RORA: variants seen among roughly 807,000 people sequenced by gnomAD.
RORA encodes RAR related orphan receptor A.
A neutral mutation model predicts 69.5 loss-of-function variants in RORA; 7 were observed. The observed-to-expected ratio is 0.10, with a 90% CI of 0.06 to 0.19. The LOEUF (loss-of-function observed/expected upper bound fraction) is 0.19. Ranked by LOEUF, RORA falls within the 10% of genes least tolerant of loss-of-function variation. The pLI, the probability that RORA is intolerant of heterozygous loss-of-function variation, is 1.00. For synonymous variants in RORA, 261 were observed against 240.8 expected (o/e 1.08, Z -0.78); for missense variants, 457 against 663.0 (o/e 0.69, Z 3.41).
intron 1 of RORA, among the ~76,000 whole-genome samples, chr15:61,152,374 G>C (rs1596030222): frequency 6.6e-6 from 1 of 152,060 alleles, no homozygotes; most frequent in South Asian, 2.1e-4. Context: ...GAGGAAAAGA[G>C]TCATTACAGA....
intron 1 of RORA, among the ~76,000 whole-genome samples, chr15:60,820,401 C>G (rs1468233106): frequency 2.0e-5 from 3 of 152,140 alleles, no homozygotes; most frequent in South Asian, 2.1e-4. Context: ...CCCCCTCACC[C>G]TAGCTTTAAG....
chr15:60,736,341 G>A (rs1370825855), intron 1 of RORA, among the ~76,000 whole-genome samples: 1 of 152,108 alleles, frequency 6.6e-6, no homozygotes. Flanking sequence ...GAAAATATCC[G>A]AAATACAACC....
intron 2 of RORA, among the ~76,000 whole-genome samples, chr15:60,580,744 C>A (rs1483572998): frequency 1.3e-5 from 2 of 152,202 alleles, no homozygotes; most frequent in African/African-American, 2.4e-5. Context: ...AGAAACATAC[C>A]TCAGTGCACT....
At chr15:60,929,084 T>C (rs778194088) in intron 1 of RORA, among the ~76,000 whole-genome samples, 9 of 152,180 alleles carry the variant, frequency 5.9e-5, no homozygotes, top group Non-Finnish European at 1.0e-4. Flanking sequence ...AGGAGCATTG[T>C]ATGGTGCCCC....
intron 1 of RORA, among the ~76,000 whole-genome samples, chr15:60,831,483 C>G (rs1384133878): frequency 6.6e-6 from 1 of 152,148 alleles, no homozygotes; most frequent in African/African-American, 2.4e-5. Context: ...TTGGCCACTT[C>G]AATGGAAAAT....
intron 1 of RORA, among the ~76,000 whole-genome samples, chr15:60,918,970 G>T (rs1402381277): frequency 6.6e-6 from 1 of 152,202 alleles, no homozygotes; most frequent in African/African-American, 2.4e-5. Context: ...CCTCTGCTCT[G>T]TGGGGACCAA....
At chr15:60,516,059 ATATATATTTATATATATTTATT>A in intron 3 of RORA, among the ~76,000 whole-genome samples, 1 of 22,960 alleles carries the variant, frequency 4.4e-5, no homozygotes, top group African/African-American at 1.6e-4. Flanking sequence ...ATATATATTT[ATATATATTTATATATATTTATT>A]TATATATATT....
chr15:60,911,953 G>GC (rs896838328), intron 1 of RORA, among the ~76,000 whole-genome samples: 5 of 150,456 alleles, frequency 3.3e-5, no homozygotes, highest in Non-Finnish European at 3.0e-5. Context: ...CAAGTGATCT[G>GC]CCCCCATTGG....
intron 1 of RORA, among the ~76,000 whole-genome samples, chr15:60,839,450 T>C (rs2073166878): frequency 6.6e-6 from 1 of 152,230 alleles, no homozygotes; most frequent in Non-Finnish European, 1.5e-5. Flanking sequence ...AAATTACTTT[T>C]ACACCAACCT....
At chr15:60,561,089 T>G (rs1374989926) in intron 2 of RORA, among the ~76,000 whole-genome samples, 1 of 149,856 alleles carries the variant, frequency 6.7e-6, no homozygotes, top group Non-Finnish European at 1.5e-5. Context: ...TTTGTTTTTT[T>G]TTTTGTTTTT....
At chr15:60,636,800 T>C (rs892817931) in intron 2 of RORA, among the ~76,000 whole-genome samples, 33 of 152,292 alleles carry the variant, frequency 2.2e-4, no homozygotes, top group Admixed American at 1.1e-3. Flanking sequence ...TTCTCTATTT[T>C]TTCGTATGCT....
intron 1 of RORA, among the ~76,000 whole-genome samples, chr15:61,130,274 C>A (rs2079179357): frequency 2.6e-5 from 4 of 152,220 alleles, no homozygotes. Context: ...ATGTACACAT[C>A]TGATTTCTGA....
intron 1 of RORA, among the ~76,000 whole-genome samples, chr15:61,092,272 T>C (rs4775356): frequency 0.37 from 55,729 of 152,112 alleles, 10,530 homozygotes; most frequent in African/African-American, 0.43. Flanking sequence ...AGGCTGGCAG[T>C]ATGTTCAAAA....
At chr15:61,137,096 AAAG>A (rs2079252860) in intron 1 of RORA, among the ~76,000 whole-genome samples, 1 of 150,504 alleles carries the variant, frequency 6.6e-6, no homozygotes, top group African/African-American at 2.5e-5. Context: ...AGAAAGAAAG[AAAG>A]AAAAAAGCAA....
At chr15:60,871,880 T>A (rs553061335) in intron 1 of RORA, among the ~76,000 whole-genome samples, 1 of 152,388 alleles carries the variant, frequency 6.6e-6, no homozygotes, top group Admixed American at 6.5e-5. Context: ...AATGTGCCAA[T>A]GTTAACTTCT....
chr15:60,699,205 T>C (rs375897831), intron 1 of RORA, among the ~76,000 whole-genome samples: 2 of 152,204 alleles, frequency 1.3e-5, no homozygotes, highest in East Asian at 3.8e-4. Flanking sequence ...CTTTTATTTA[T>C]GGTTTCTGCC....
intron 1 of RORA, among the ~76,000 whole-genome samples, chr15:60,724,925 A>C (rs1033002505): frequency 2.0e-5 from 3 of 152,106 alleles, no homozygotes; most frequent in African/African-American, 7.2e-5. Flanking sequence ...TGGGCCCTTC[A>C]TGATAGCTCT....
intron 1 of RORA, among the ~76,000 whole-genome samples, chr15:60,725,894 A>G (rs551608239): frequency 2.0e-5 from 3 of 152,258 alleles, no homozygotes; most frequent in Non-Finnish European, 4.4e-5. Flanking sequence ...CTTCAGGCAG[A>G]ATTCTGGTCA....
intron 1 of RORA, among the ~76,000 whole-genome samples, chr15:60,757,282 A>G (rs2071816934): frequency 6.6e-6 from 1 of 151,532 alleles, no homozygotes. Flanking sequence ...TTCCTTTTCT[A>G]CTTTCTTCTT....
Sources: gnomAD v4.1 joint callset for allele counts (sites outside exome capture counted in the v4.1 genomes callset) on GRCh38, gnomAD v4.1.1 for gene constraint, MANE v1.5 for transcripts, NCBI Gene and HGNC (gene_info 2026-07-23, HGNC 2026-07-21) for gene names.